The following GRIN2A variants were observed in gnomAD, a reference collection of about 807,000 sequenced individuals.
GRIN2A encodes glutamate ionotropic receptor NMDA type subunit 2A, also known as glutamate receptor ionotropic, NMDA 2A.
GRIN2A carries 22 observed loss-of-function variants against 113.4 expected under a neutral mutation model. The observed-to-expected ratio is 0.19, with a 90% CI of 0.14 to 0.28. GRIN2A has a LOEUF of 0.28. GRIN2A is among the 10% of genes least tolerant of loss of function. The pLI is 1.00. For synonymous variants in GRIN2A, 827 were observed against 738.4 expected, an observed-to-expected ratio of 1.12 and a Z score of -1.94; for missense variants, 1,502 against 1,887.0, an observed-to-expected ratio of 0.80 and a Z score of 3.78.
chr16:10,147,455 C>CAAAA (rs367830700), intron 2 of GRIN2A, among the ~76,000 whole-genome samples: 32 of 72,918 alleles, frequency 4.4e-4, no homozygotes, highest in African/African-American at 8.2e-4. Flanking sequence ...ACTAAAAATA[C>CAAAA]AAAAAAAAAA....
At chr16:9,863,007 C>T (rs2043097051) in intron 4 of GRIN2A, among the ~76,000 whole-genome samples, 1 of 152,050 alleles carries the variant, frequency 6.6e-6, no homozygotes, top group Admixed American at 6.6e-5. Context: ...ATAAAAACGC[C>T]ATTATTAGAC....
intron 11 of GRIN2A, among the ~76,000 whole-genome samples, chr16:9,791,909 C>T (rs1360254738): frequency 1.3e-5 from 2 of 152,074 alleles, no homozygotes; most frequent in Non-Finnish European, 2.9e-5. Flanking sequence ...CATCATTATG[C>T]TGAATGGTGC....
chr16:10,022,317 ACACACACG>A (rs1463131032), intron 2 of GRIN2A, among the ~76,000 whole-genome samples: 1 of 151,438 alleles, frequency 6.6e-6, no homozygotes, highest in Non-Finnish European at 1.5e-5. Context: ...ACATATTCAC[ACACACACG>A]CACACACGCA....
intron 2 of GRIN2A, among the ~76,000 whole-genome samples, chr16:10,109,014 T>TAAAAAA (rs56946708): frequency 8.8e-6 from 1 of 114,132 alleles, no homozygotes; most frequent in Non-Finnish European, 1.7e-5. Flanking sequence ...TGATTCTCTT[T>TAAAAAA]AAAAAAAAAA....
chr16:10,093,649 G>A (rs909133329), intron 2 of GRIN2A, among the ~76,000 whole-genome samples: 1 of 151,944 alleles, frequency 6.6e-6, no homozygotes, highest in East Asian at 1.9e-4. Flanking sequence ...TTTTGCAGTA[G>A]ATTGCATGAT....
At chr16:9,805,356 G>T (rs1370431786) in intron 10 of GRIN2A, 4 of 152,164 alleles carry the variant, frequency 2.6e-5, no homozygotes, top group African/African-American at 9.7e-5. Context: ...CATTCAAGAA[G>T]CCTTTAACAA....
intron 2 of GRIN2A, among the ~76,000 whole-genome samples, chr16:9,997,555 A>C (rs2046247946): frequency 1.3e-5 from 2 of 152,152 alleles, no homozygotes; most frequent in Admixed American, 1.3e-4. Context: ...TGCCATCCCT[A>C]ATCTCAACTC....
intron 4 of GRIN2A, among the ~76,000 whole-genome samples, chr16:9,877,283 T>C (rs1343192789): frequency 1.3e-5 from 2 of 152,194 alleles, no homozygotes; most frequent in African/African-American, 2.4e-5. Context: ...AACAAATGCT[T>C]ACTATTTATT....
intron 4 of GRIN2A, among the ~76,000 whole-genome samples, chr16:9,878,283 C>G (rs1481479334): frequency 6.6e-6 from 1 of 152,174 alleles, no homozygotes; most frequent in African/African-American, 2.4e-5. Context: ...GCCTTTACCA[C>G]TGTATGGCCT....
chr16:10,077,165 C>T (rs2047888661), intron 2 of GRIN2A, among the ~76,000 whole-genome samples: 1 of 152,160 alleles, frequency 6.6e-6, no homozygotes, highest in Non-Finnish European at 1.5e-5. Context: ...AATGGATTCT[C>T]CCCTGCAGCC....
intron 2 of GRIN2A, among the ~76,000 whole-genome samples, chr16:10,047,528 T>G (rs1472248677): frequency 6.6e-6 from 1 of 152,234 alleles, no homozygotes; most frequent in Admixed American, 6.5e-5. Flanking sequence ...CTTCTTTACT[T>G]TGTTCTATGA....
intron 4 of GRIN2A, among the ~76,000 whole-genome samples, chr16:9,868,626 T>C (rs183859806): frequency 8.3e-4 from 127 of 152,276 alleles, no homozygotes; most frequent in South Asian, 4.8e-3. Flanking sequence ...GCTTGTGGCC[T>C]TTTAATGGTT....
intron 2 of GRIN2A, among the ~76,000 whole-genome samples, chr16:10,097,548 G>T (rs2048316980): frequency 6.6e-6 from 1 of 152,110 alleles, no homozygotes; most frequent in Non-Finnish European, 1.5e-5. Flanking sequence ...TCTTCCTCCT[G>T]GTCCCTAAGC....
At chr16:10,009,162 A>G (rs2046457270) in intron 2 of GRIN2A, among the ~76,000 whole-genome samples, 1 of 152,260 alleles carries the variant, frequency 6.6e-6, no homozygotes, top group Non-Finnish European at 1.5e-5. Context: ...AGGCTTAGCC[A>G]AATACATACT....
chr16:10,095,359 G>A (rs769172317), intron 2 of GRIN2A, among the ~76,000 whole-genome samples: 14 of 152,054 alleles, frequency 9.2e-5, no homozygotes, highest in South Asian at 2.1e-4. Context: ...GGTGCTGACC[G>A]ATAAAATCTG....
intron 12 of GRIN2A, 143 bp from the exon 13 acceptor site, chr16:9,765,091 G>C (rs755964020): frequency 6.7e-5 from 68 of 1,011,170 alleles, no homozygotes; most frequent in Non-Finnish European, 9.6e-5. Flanking sequence ...TCTGAATCCT[G>C]ATAATGTCTC....
chr16:9,949,354 A>G (rs1213375508), intron 2 of GRIN2A, among the ~76,000 whole-genome samples: 2 of 151,544 alleles, frequency 1.3e-5, no homozygotes, highest in African/African-American at 4.9e-5. Flanking sequence ...AATAGATTGG[A>G]TGGATAGATG....
intron 3 of GRIN2A, among the ~76,000 whole-genome samples, chr16:9,923,443 C>A (rs1467858934): frequency 6.6e-6 from 1 of 152,106 alleles, no homozygotes; most frequent in Non-Finnish European, 1.5e-5. Flanking sequence ...TAGGTTTAAA[C>A]CTATCATCTT....
intron 2 of GRIN2A, among the ~76,000 whole-genome samples, chr16:10,047,123 A>G (rs1276283391): frequency 6.6e-6 from 1 of 152,242 alleles, no homozygotes; most frequent in East Asian, 1.9e-4. Context: ...ATTACTTCAC[A>G]TTGAAAACCA....
Sources: gnomAD v4.1 joint callset for allele counts (sites outside exome capture counted in the v4.1 genomes callset) on GRCh38, gnomAD v4.1.1 for gene constraint, MANE v1.5 for transcripts, NCBI Gene and HGNC (gene_info 2026-07-23, HGNC 2026-07-21) for gene names.